ENAH: variants seen among roughly 807,000 people sequenced by gnomAD.
The protein encoded by ENAH is ENAH actin regulator.
ENAH carries 23 observed loss-of-function variants against 78.7 expected under a neutral mutation model. The ratio of observed to expected loss-of-function variants is 0.29; its 90% CI spans 0.21 to 0.41. ENAH has a LOEUF of 0.41. Among genes scored for constraint, ENAH ranks in the 10% least tolerant of loss-of-function variants. The pLI is 1.00. For missense variants in ENAH, 544 were observed against 691.0 expected (o/e 0.79, Z 2.39); for synonymous variants, 226 against 241.0 (o/e 0.94, Z 0.58).
At chr1:225,581,644 C>G (rs527256589) in intron 1 of ENAH, among the ~76,000 whole-genome samples, 1 of 152,228 alleles carries the variant, frequency 6.6e-6, no homozygotes, top group South Asian at 2.1e-4. Flanking sequence ...TAATGGCCAA[C>G]TTTCCAAATG....
chr1:225,554,648 A>G (rs2096657700), intron 3 of ENAH, among the ~76,000 whole-genome samples: 2 of 152,198 alleles, frequency 1.3e-5, no homozygotes, highest in Admixed American at 1.3e-4. Context: ...ACTTCAAATA[A>G]AAGGGTTACA....
At chr1:225,527,292 G>A (rs1417345298) in intron 4 of ENAH, among the ~76,000 whole-genome samples, 2 of 152,096 alleles carry the variant, frequency 1.3e-5, no homozygotes, top group Admixed American at 6.5e-5. Flanking sequence ...TTGGCCTGAG[G>A]GTATTTTATT....
At chr1:225,645,379 G>C (rs192060134) in intron 1 of ENAH, among the ~76,000 whole-genome samples, 23 of 152,146 alleles carry the variant, frequency 1.5e-4, no homozygotes, top group African/African-American at 4.6e-4. Flanking sequence ...CATTCCTTTT[G>C]ATGGCCAAAT....
intron 3 of ENAH, among the ~76,000 whole-genome samples, chr1:225,538,938 T>C (rs2096575573): frequency 6.6e-6 from 1 of 152,200 alleles, no homozygotes; most frequent in East Asian, 1.9e-4. Context: ...GGTTCATTGC[T>C]CTGCTTCCTC....
At chr1:225,564,858 C>G (rs1020504198) in intron 2 of ENAH, among the ~76,000 whole-genome samples, 2 of 151,522 alleles carry the variant, frequency 1.3e-5, no homozygotes, top group South Asian at 2.1e-4. Flanking sequence ...TTTAGTTTCC[C>G]TTTTTTTCCT....
chr1:225,558,536 A>AT lies in ENAH; in HGVS notation c.172-3454dup, dbSNP rs201208433. On this transcript the variant is annotated intron_variant, in intron 2 of 13. Transcript: ENST00000366843. ...CTTCTTTCTTCATAATGGTTAAACC[A>AT]TTTTTTTTTTCAAGAGCTGTCCCTC... 3.3e-3 allele frequency among the ~76,000 whole-genome samples: 452 copies of AT among 138,878 alleles called. 2 individuals are homozygous for AT. The highest frequency in any genetic ancestry group is 0.01 in the African/African-American group (389 of 37,240). The allele number at this position is 138,878 out of a possible 152,430, so 91.1% of individuals were successfully genotyped here.
intron 3 of ENAH, among the ~76,000 whole-genome samples, chr1:225,536,497 C>T (rs560150626): frequency 1.3e-4 from 19 of 151,752 alleles, no homozygotes; most frequent in Non-Finnish European, 2.1e-4. Context: ...TTTCTTTTTC[C>T]GTTGGTATTA....
chr1:225,579,199 C>T (rs1393828912), intron 1 of ENAH, among the ~76,000 whole-genome samples: 1 of 152,142 alleles, frequency 6.6e-6, no homozygotes. Flanking sequence ...GACTTGCAAC[C>T]ACTCTACTAA....
rs1223744912 is a variant in ENAH, at chr1:225,492,539, TATGA to T, written c.*5232_*5235del. The T allele has an allele frequency of 3.3e-5, 5 of 152,274 alleles. No individual in the cohort carries two copies. The highest frequency in any genetic ancestry group is 1.9e-4 in the East Asian group (1 of 5,194). The allele number at this position is 152,274 out of a possible 1,614,324, so 9.4% of individuals were successfully genotyped here. A position where few individuals can be genotyped will look rare whatever the true frequency, so the allele number is the denominator to read the frequency against. On this transcript the variant is annotated 3_prime_UTR_variant, in exon 14 of 14. Transcript: ENST00000366843. ...TCTACGGGCCCTGCTCTCTGCTCTT[TATGA>T]GTATTTAACATGCTTCACAGAACGG...
At chr1:225,635,752 T>C (rs1355143416) in intron 1 of ENAH, among the ~76,000 whole-genome samples, 4 of 152,136 alleles carry the variant, frequency 2.6e-5, no homozygotes, top group Non-Finnish European at 4.4e-5. Flanking sequence ...CTGGTGTCTT[T>C]ATAAGAGGAA....
At chr1:225,612,796 A>C (rs2096998252) in intron 1 of ENAH, among the ~76,000 whole-genome samples, 1 of 151,794 alleles carries the variant, frequency 6.6e-6, no homozygotes. Context: ...AAGAAGCAAA[A>C]AAGTTTTATA....
At chr1:225,594,705 C>T (rs940637812) in intron 1 of ENAH, among the ~76,000 whole-genome samples, 1 of 152,208 alleles carries the variant, frequency 6.6e-6, no homozygotes, top group Non-Finnish European at 1.5e-5. Context: ...TAATGCCCAG[C>T]AGGAACCATG....
rs144276201 is a variant in ENAH at position 225,572,736 on chromosome 1, G to A, written c.6-5322C>T. ...CTTCAAGATTCTGAGTCAGTGAAGC[G>A]ACTACGCAAAAGATTAAATTAGTAA... On this transcript the variant is annotated intron_variant, in intron 1 of 13. Transcript: ENST00000366843. Among the ~76,000 whole-genome samples the A allele has an allele frequency of 8.9e-4, 135 of 152,284 alleles. 1 individual carries two copies. The highest frequency in any genetic ancestry group is 3.2e-3 in the African/African-American group (134 of 41,560).
At chr1:225,644,038 AATAGT>A (rs1215714280) in intron 1 of ENAH, among the ~76,000 whole-genome samples, 2 of 152,156 alleles carry the variant, frequency 1.3e-5, no homozygotes, top group Non-Finnish European at 2.9e-5. Flanking sequence ...TCCATTTTTA[AATAGT>A]ATAATCTTAC....
intron 3 of ENAH, among the ~76,000 whole-genome samples, chr1:225,543,870 A>T (rs927459593): frequency 6.6e-6 from 1 of 152,202 alleles, no homozygotes; most frequent in African/African-American, 2.4e-5. Flanking sequence ...CCATCTTCAA[A>T]AGACTCCTTA....
At chr1:225,615,344 G>A (rs1016199594) in intron 1 of ENAH, among the ~76,000 whole-genome samples, 4 of 152,166 alleles carry the variant, frequency 2.6e-5, no homozygotes, top group Non-Finnish European at 5.9e-5. Context: ...CTCACTCAGT[G>A]CTCAATGGTG....
chr1:225,517,538 G>T, intron 5 of ENAH: 1 of 1,551,616 alleles, frequency 6.4e-7, no homozygotes, highest in Non-Finnish European at 8.7e-7. Context: ...TGGGGCACAG[G>T]AGAAGAAACA....
At chr1:225,622,495 GCTGCTA>G (rs1657169737) in intron 1 of ENAH, among the ~76,000 whole-genome samples, 1 of 152,116 alleles carries the variant, frequency 6.6e-6, no homozygotes, top group Non-Finnish European at 1.5e-5. Flanking sequence ...AGTTGTTCCT[GCTGCTA>G]CAACAAAATA....
At chr1:225,522,743 T>C (rs577402555) in intron 4 of ENAH, among the ~76,000 whole-genome samples, 1 of 152,300 alleles carries the variant, frequency 6.6e-6, no homozygotes, top group South Asian at 2.1e-4. Context: ...ATTTTACATA[T>C]AATGCTCTAA....
Sources: gnomAD v4.1 joint callset for allele counts (sites outside exome capture counted in the v4.1 genomes callset) on GRCh38, gnomAD v4.1.1 for gene constraint, MANE v1.5 for transcripts, NCBI Gene and HGNC (gene_info 2026-07-23, HGNC 2026-07-21) for gene names.